The following SRGAP3 variants were observed in gnomAD, a reference collection of about 807,000 sequenced individuals.
The protein encoded by SRGAP3 is SLIT-ROBO Rho GTPase activating protein 3.
A neutral mutation model predicts 121.1 loss-of-function variants in SRGAP3; 39 were observed. The observed-to-expected ratio is 0.32, with a 90% CI of 0.25 to 0.42. The LOEUF (loss-of-function observed/expected upper bound fraction) is 0.42. SRGAP3 is among the 10% of genes least tolerant of loss of function. SRGAP3 has a pLI of 1.00. For missense variants in SRGAP3, 1,213 were observed against 1,470.6 expected (o/e 0.82, Z 2.86); for synonymous variants, 601 against 570.0 (o/e 1.05, Z -0.77).
At chr3:9,141,999 G>C (rs188208765) in intron 1 of SRGAP3, among the ~76,000 whole-genome samples, 1 of 152,326 alleles carries the variant, frequency 6.6e-6, no homozygotes, top group Admixed American at 6.5e-5. Flanking sequence ...CCTGAAAGCA[G>C]ATAATGTTGG....
chr3:9,020,757 G>A (rs1326129951), intron 14 of SRGAP3, among the ~76,000 whole-genome samples: 1 of 152,322 alleles, frequency 6.6e-6, no homozygotes, highest in East Asian at 1.9e-4. Context: ...GAATCCCAGA[G>A]CTGGAGACGA....
intron 1 of SRGAP3, among the ~76,000 whole-genome samples, chr3:9,229,648 G>C (rs1340375610): frequency 2.0e-5 from 3 of 152,182 alleles, no homozygotes; most frequent in African/African-American, 7.2e-5. Context: ...GATGGGGTCA[G>C]GGCCTGAGGT....
intron 3 of SRGAP3, among the ~76,000 whole-genome samples, chr3:9,306,598 G>A (rs146989887): frequency 0.02 from 3,016 of 152,274 alleles, 47 homozygotes; most frequent in Middle Eastern, 0.037. Flanking sequence ...TGTATAAGGT[G>A]TTAAGGAAGG....
Position 8,984,039 on chromosome 3 carries a change from AGAG to A in SRGAP3, c.*1477_*1479del, listed in dbSNP as rs1941555278. ...CAGCTCATCTCTGGAAGTGATCAGA[AGAG>A]GAGGTAAAATGGAATCGAAGGAGAG... On this transcript the variant is annotated 3_prime_UTR_variant, in exon 22 of 22. Transcript: ENST00000383836. 4.3e-6 allele frequency: 1 copy of A among 231,562 alleles called. No homozygotes were observed. Among genetic ancestry groups the A allele is most frequent in the Non-Finnish European group, 8.5e-6 (1 of 116,962 alleles). The allele number at this position is 231,562 out of a possible 1,614,324, so 14.3% of individuals were successfully genotyped here. A position where few individuals can be genotyped will look rare whatever the true frequency, so the allele number is the denominator to read the frequency against.
At chr3:9,017,716 C>T (rs1298997817) in intron 14 of SRGAP3, among the ~76,000 whole-genome samples, 1 of 152,074 alleles carries the variant, frequency 6.6e-6, no homozygotes, top group Non-Finnish European at 1.5e-5. Context: ...CATTGAAATG[C>T]ATTTTTTCTT....
chr3:9,022,557 A>G (rs1350555115), intron 14 of SRGAP3, among the ~76,000 whole-genome samples: 3 of 152,282 alleles, frequency 2.0e-5, no homozygotes, highest in African/African-American at 7.2e-5. Flanking sequence ...GAGGGGTGGG[A>G]GGAAGCGGCC....
At chr3:9,362,415 C>A (rs1240217872) in intron 1 of SRGAP3, among the ~76,000 whole-genome samples, 1 of 150,600 alleles carries the variant, frequency 6.6e-6, no homozygotes. Context: ...CCACCCGCCT[C>A]AGCCTCCCAA....
intron 3 of SRGAP3, among the ~76,000 whole-genome samples, chr3:9,275,718 G>A (rs1954560821): frequency 6.6e-6 from 1 of 152,086 alleles, no homozygotes; most frequent in Non-Finnish European, 1.5e-5. Flanking sequence ...TTTGCCCTCT[G>A]TCATGATTGT....
chr3:9,146,876 G>A (rs1950044029), intron 1 of SRGAP3, among the ~76,000 whole-genome samples: 1 of 152,202 alleles, frequency 6.6e-6, no homozygotes. Flanking sequence ...TCATGTACAC[G>A]TGAGATGCCT....
chr3:8,994,606 T>C, intron 18 of SRGAP3, 83 bp from the exon 19 acceptor site: 2 of 1,558,352 alleles, frequency 1.3e-6, no homozygotes, highest in Non-Finnish European at 1.7e-6. Context: ...CCCTGGCTTC[T>C]CTGGGGAAGG....
chr3:9,210,410 C>T (rs563857302), intron 1 of SRGAP3, among the ~76,000 whole-genome samples: 2 of 152,022 alleles, frequency 1.3e-5, no homozygotes, highest in African/African-American at 2.4e-5. Context: ...TCGCTTGAGC[C>T]GAGGAATTTG....
chr3:9,021,415 GT>G lies in SRGAP3; in HGVS notation c.1678+3845del, dbSNP rs201403229. ...GCTAATTCTTGCCTTTTCATGATGT[GT>G]TTTTTTTTCTCTCTCTCCTTCATTT... On this transcript the variant is annotated intron_variant, in intron 14 of 21. Transcript: ENST00000383836. 9.9e-5 allele frequency among the ~76,000 whole-genome samples: 15 copies of G among 151,544 alleles called. No homozygotes were observed. In the East Asian group the frequency reaches 1.6e-3, roughly 16 times the overall value.
chr3:9,342,596 A>G (rs1003176157), intron 1 of SRGAP3, among the ~76,000 whole-genome samples: 3 of 152,206 alleles, frequency 2.0e-5, no homozygotes, highest in Admixed American at 6.5e-5. Flanking sequence ...CTCTCTGACC[A>G]TCTTGTTATA....
intron 1 of SRGAP3, among the ~76,000 whole-genome samples, chr3:9,142,093 C>A (rs1949874518): frequency 6.6e-6 from 1 of 152,186 alleles, no homozygotes; most frequent in South Asian, 2.1e-4. Flanking sequence ...TAGTTCCAGC[C>A]CTGCCTCAAG....
intron 3 of SRGAP3, among the ~76,000 whole-genome samples, chr3:9,276,049 G>A (rs1029344627): frequency 1.4e-4 from 22 of 151,876 alleles, no homozygotes; most frequent in East Asian, 3.9e-4. Context: ...AAAAAAAGTC[G>A]GAAGGAAGGA....
At chr3:9,170,387 G>A (rs906141674) in intron 1 of SRGAP3, among the ~76,000 whole-genome samples, 3 of 152,208 alleles carry the variant, frequency 2.0e-5, no homozygotes, top group South Asian at 2.1e-4. Flanking sequence ...TGACAGCCTC[G>A]GAGTAGTAGT....
At chr3:9,341,859 T>C (rs1159284723) in intron 1 of SRGAP3, among the ~76,000 whole-genome samples, 1 of 152,166 alleles carries the variant, frequency 6.6e-6, no homozygotes, top group Non-Finnish European at 1.5e-5. Flanking sequence ...AGTATGGCTG[T>C]AAATGTCACA....
At chr3:9,220,736 C>T (rs1039022691) in intron 1 of SRGAP3, among the ~76,000 whole-genome samples, 1 of 152,168 alleles carries the variant, frequency 6.6e-6, no homozygotes, top group African/African-American at 2.4e-5. Context: ...ATGCAAATGT[C>T]ACTAAAATTG....
At chr3:9,060,407 G>T in intron 5 of SRGAP3, 48 bp from the exon 6 acceptor site, 1 of 1,541,442 alleles carries the variant, frequency 6.5e-7, no homozygotes, top group Non-Finnish European at 8.9e-7. Context: ...TTAAGAGGAC[G>T]GGGTTTGTGA....
Sources: allele counts gnomAD v4.1 joint callset (sites outside exome capture counted in the v4.1 genomes callset), GRCh38; gene constraint gnomAD v4.1.1; transcripts MANE v1.5; gene names NCBI Gene and HGNC (gene_info 2026-07-23, HGNC 2026-07-21).